The following DNAJC13 variants were observed in gnomAD, a reference collection of about 807,000 sequenced individuals.
DNAJC13 encodes DnaJ heat shock protein family (Hsp40) member C13, also known as dnaJ homolog subfamily C member 13.
A neutral mutation model predicts 290.5 loss-of-function variants in DNAJC13; 75 were observed. The ratio of observed to expected loss-of-function variants is 0.26; its 90% CI spans 0.21 to 0.31. The LOEUF (loss-of-function observed/expected upper bound fraction) is 0.31. Among genes scored for constraint, DNAJC13 ranks in the 10% least tolerant of loss-of-function variants. DNAJC13 has a pLI of 1.00. For missense variants in DNAJC13, 2,260 were observed against 2,674.5 expected, an observed-to-expected ratio of 0.85 and a Z score of 3.42; for synonymous variants, 862 against 892.0, an observed-to-expected ratio of 0.97 and a Z score of 0.60.
rs762119033 is a variant in DNAJC13, at chr3:132,511,101, A to G, written c.5150A>G (p.Tyr1717Cys). 3.1e-6 allele frequency: 5 copies of G among 1,613,864 alleles called. No individual in the cohort carries two copies. In the African/African-American group the frequency reaches 5.3e-5, roughly 17 times the overall value. ...GCATTTGCTGCAAGTCTCTTGGATT[A>G]TATAGGCTCGCAGGCCCAATACTTG... ...PKAFAASLLD[Y>C]IGSQAQYLHT... Residue 1717 changes from tyrosine to cysteine, a missense_variant, in exon 44 of 56, where the codon TAT becomes TGT. Tyr to Cys is a radical substitution (Grantham distance 194). This residue lies in a region of DNAJC13 where 1,494 missense variants were observed against 1,693.7 expected (regional missense o/e 0.88). Transcript: ENST00000260818.
At chr3:132,473,078 A>G in intron 20 of DNAJC13, 67 bp from the exon 21 acceptor site, 1 of 1,029,608 alleles carries the variant, frequency 9.7e-7, no homozygotes, top group Non-Finnish European at 1.5e-6. Flanking sequence ...GTATAAATTG[A>G]TGATCTTCTG....
chr3:132,482,022 A>G (rs970830862), intron 26 of DNAJC13, among the ~76,000 whole-genome samples: 5 of 152,226 alleles, frequency 3.3e-5, no homozygotes, highest in African/African-American at 1.2e-4. Flanking sequence ...AATGTATATT[A>G]ATAAGGAAAT....
At chr3:132,526,031 A>G in intron 52 of DNAJC13, 110 bp from the exon 53 acceptor site, 2 of 1,422,470 alleles carry the variant, frequency 1.4e-6, no homozygotes. Flanking sequence ...TCATTGTTAA[A>G]CTGAAAGTAA....
intron 39 of DNAJC13, among the ~76,000 whole-genome samples, chr3:132,501,124 A>G (rs1484213713): frequency 6.6e-6 from 1 of 152,222 alleles, no homozygotes; most frequent in Non-Finnish European, 1.5e-5. Flanking sequence ...AAAGTGATAC[A>G]TCTAAAGGGA....
At chr3:132,524,667 A>G (rs973108300) in intron 51 of DNAJC13, among the ~76,000 whole-genome samples, 3 of 152,204 alleles carry the variant, frequency 2.0e-5, no homozygotes, top group Admixed American at 6.5e-5. Context: ...TATTCCTCCA[A>G]TAGGATTTCT....
intron 9 of DNAJC13, among the ~76,000 whole-genome samples, chr3:132,455,697 A>C (rs1379792778): frequency 1.3e-5 from 2 of 152,224 alleles, no homozygotes; most frequent in Non-Finnish European, 2.9e-5. Context: ...TGAATCTCAA[A>C]AGCCTATGTA....
In DNAJC13 at chr3:132,487,559, A is replaced by ATTTTTTTTTTTTTTTTTTTTTT. The variant is rs10663131; in HGVS notation, c.3268-719_3268-718insTTTTTTTTTTTTTTTTTTTTTT. Among the ~76,000 whole-genome samples the ATTTTTTTTTTTTTTTTTTTTTT allele has an allele frequency of 2.7e-3, 295 of 110,394 alleles. 53 individuals are homozygous for ATTTTTTTTTTTTTTTTTTTTTT. Among genetic ancestry groups the ATTTTTTTTTTTTTTTTTTTTTT allele is most frequent in the African/African-American group, 0.015 (274 of 18,752 alleles). 72.4% of individuals were successfully genotyped at this position (110,394 alleles called of 152,430 possible). On this transcript the variant is annotated intron_variant, in intron 29 of 55. Transcript: ENST00000260818. ...GCGTGAGCCACCATGCCTGGCTGTA[A>ATTTTTTTTTTTTTTTTTTTTTT]TTTTTTTTTTTTTTTTTTTTACTGG...
In DNAJC13 at chr3:132,464,044, T is replaced by C. The variant is rs531509917; in HGVS notation, c.1892+227T>C. Reference sequence around the variant, plus strand: ...TTTACTTTTTTTCCCCGACCTATTATCAGGCCCTGACACCATAGTCATGGG... The same window carrying C: ...TTTACTTTTTTTCCCCGACCTATTACCAGGCCCTGACACCATAGTCATGGG... On this transcript the variant is annotated intron_variant, in intron 17 of 55. Coordinates refer to ENST00000260818, the MANE Select transcript of DNAJC13 (RefSeq NM_015268.4). Among the ~76,000 whole-genome samples, 109 of 152,250 alleles carry C rather than the reference T, an allele frequency of 7.2e-4. 1 individual carries two copies. In the South Asian group the frequency reaches 8.7e-3, roughly 12 times the overall value.
At chr3:132,524,134 A>T (rs533134299) in intron 51 of DNAJC13, 7 of 154,380 alleles carry the variant, frequency 4.5e-5, no homozygotes, top group African/African-American at 1.7e-4. Flanking sequence ...TTGACAGAAG[A>T]GTAGTAACTA....
At chr3:132,506,105 T>G (rs1454620798) in intron 42 of DNAJC13, among the ~76,000 whole-genome samples, 2 of 132,826 alleles carry the variant, frequency 1.5e-5, no homozygotes, top group Non-Finnish European at 3.1e-5. Context: ...CAGGCTGGAG[T>G]GCAATGGCAT....
Position 132,538,384 on chromosome 3 carries a change from A to G in DNAJC13, c.*102A>G, listed in dbSNP as rs2107763374. 1.2e-6 allele frequency: 1 copy of G among 809,508 alleles called. No individual in the cohort carries two copies. The highest frequency in any genetic ancestry group is 1.8e-5 in the South Asian group (1 of 57,066). The allele number at this position is 809,508 out of a possible 1,614,324, so 50.1% of individuals were successfully genotyped here. A position where few individuals can be genotyped will look rare whatever the true frequency, so the allele number is the denominator to read the frequency against. ...CTCTTACTGCCTTTCTCCTGGTTTCATGACAGTGTTATTCCTTTTTCTATA... is the reference window on the plus strand; with the variant it reads ...CTCTTACTGCCTTTCTCCTGGTTTCGTGACAGTGTTATTCCTTTTTCTATA... On this transcript the variant is annotated 3_prime_UTR_variant, in exon 56 of 56. Transcript: ENST00000260818.
rs191943897 is a variant in DNAJC13 at position 132,437,227 on chromosome 3, A to G, written c.68+2609A>G. On this transcript the variant is annotated intron_variant, in intron 2 of 55. Coordinates refer to ENST00000260818, the MANE Select transcript of DNAJC13 (RefSeq NM_015268.4). ...TAGGTTGTCTTATTACTGAATTGTGAGAGTTCTTTATATATTCTGAATAAA... is the reference window on the plus strand; with the variant it reads ...TAGGTTGTCTTATTACTGAATTGTGGGAGTTCTTTATATATTCTGAATAAA... 1.7e-3 allele frequency among the ~76,000 whole-genome samples: 264 copies of G among 152,262 alleles called. 2 individuals carry two copies. Among genetic ancestry groups the G allele is most frequent in the African/African-American group, 6.1e-3 (255 of 41,540 alleles).
intron 2 of DNAJC13, among the ~76,000 whole-genome samples, chr3:132,440,757 G>A (rs1933038466): frequency 6.6e-6 from 1 of 152,224 alleles, no homozygotes; most frequent in Non-Finnish European, 1.5e-5. Flanking sequence ...CCTAATGACA[G>A]ATTCTCAGAA....
Position 132,433,266 on chromosome 3 carries a change from C to G in DNAJC13, c.-13-1272C>G, listed in dbSNP as rs548710152. Among the ~76,000 whole-genome samples, 28 of 152,362 alleles carry G rather than the reference C, an allele frequency of 1.8e-4. 1 individual carries two copies. In the South Asian group the frequency reaches 5.6e-3, roughly 30 times the overall value. On this transcript the variant is annotated intron_variant, in intron 1 of 55. Coordinates refer to ENST00000260818, the MANE Select transcript of DNAJC13 (RefSeq NM_015268.4). ...CTATTTTTAGAAACAGAATCTCACTCTATCACTCAGGCTGGAGTACAGTGG... is the reference window on the plus strand; with the variant it reads ...CTATTTTTAGAAACAGAATCTCACTGTATCACTCAGGCTGGAGTACAGTGG...
chr3:132,500,564 A>G (rs1576503229), intron 38 of DNAJC13, among the ~76,000 whole-genome samples: 1 of 152,304 alleles, frequency 6.6e-6, no homozygotes, highest in African/African-American at 2.4e-5. Flanking sequence ...GACCATGGTC[A>G]GTTTGGCCCA....
chr3:132,475,784 T>A (rs1356914549), intron 22 of DNAJC13, among the ~76,000 whole-genome samples: 5 of 152,180 alleles, frequency 3.3e-5, no homozygotes, highest in Non-Finnish European at 7.3e-5. Context: ...TGTCTACCAC[T>A]TCTCAAGTCA....
intron 19 of DNAJC13, 140 bp from the exon 20 acceptor site, chr3:132,467,030 G>C (rs1385029339): frequency 1.1e-6 from 1 of 934,042 alleles, no homozygotes; most frequent in East Asian, 3.1e-5. Flanking sequence ...TATAATTGTA[G>C]AAGTTTTCAG....
Position 132,462,500 on chromosome 3 carries a change from T to C in DNAJC13, c.1747T>C (p.Leu583=), listed in dbSNP as rs1301679894. Residue 583 remains leucine (L), a synonymous_variant, in exon 16 of 56, where the codon TTG becomes CTG. Transcript: ENST00000260818. ...PSMAIIKGAG[L]VMKAIIEEGD... is the part of the protein sequence containing the mutation. ...CATGGCAATAATAAAAGGAGCTGGG[T>C]TGGTTATGAAGGCAATAATAGAGGT... 1.9e-6 allele frequency: 3 copies of C among 1,610,168 alleles called. No homozygotes were observed. Among genetic ancestry groups the C allele is most frequent in the Non-Finnish European group, 2.5e-6 (3 of 1,178,696 alleles).
intron 14 of DNAJC13, 128 bp from the exon 15 acceptor site, chr3:132,460,922 T>C: frequency 1.2e-6 from 1 of 865,354 alleles, no homozygotes; most frequent in South Asian, 1.9e-5. Context: ...TTGAACCTCA[T>C]GTTGAGAAAT....
Sources: gnomAD v4.1 joint callset for allele counts (sites outside exome capture counted in the v4.1 genomes callset) on GRCh38, gnomAD v4.1.1 for gene constraint, gnomAD v4.1.1 regional missense constraint, MANE v1.5 for transcripts, NCBI Gene and HGNC (gene_info 2026-07-23, HGNC 2026-07-21) for gene names.